TAFA2: variants seen among roughly 807,000 people sequenced by gnomAD.
TAFA2 encodes TAFA chemokine like family member 2.
TAFA2 carries 7 observed loss-of-function variants against 18.8 expected under a neutral mutation model. The ratio of observed to expected loss-of-function variants is 0.37; its 90% CI spans 0.21 to 0.70. TAFA2 has a LOEUF of 0.70. TAFA2 is among the 30% of genes least tolerant of loss of function. The pLI is 0.53. For missense variants in TAFA2, 122 were observed against 158.1 expected (o/e 0.77, Z 1.23); for synonymous variants, 60 against 54.2 (o/e 1.11, Z -0.47).
At chr12:61,843,043 C>A (rs1413692801) in intron 2 of TAFA2, among the ~76,000 whole-genome samples, 1 of 151,956 alleles carries the variant, frequency 6.6e-6, no homozygotes, top group Non-Finnish European at 1.5e-5. Flanking sequence ...AGATGAATCA[C>A]CGTATGGAGA....
intron 1 of TAFA2, among the ~76,000 whole-genome samples, chr12:62,002,653 C>T (rs186327161): frequency 1.3e-5 from 2 of 152,222 alleles, no homozygotes; most frequent in Admixed American, 1.3e-4. Flanking sequence ...AAAACACAAC[C>T]CCTATCTTAA....
intron 1 of TAFA2, among the ~76,000 whole-genome samples, chr12:62,170,537 T>A (rs78462177): frequency 1.2e-4 from 18 of 152,198 alleles, no homozygotes; most frequent in Non-Finnish European, 5.9e-5. Context: ...GCCAGAGTTA[T>A]GTGTGTGTTT....
chr12:61,882,300 G>T (rs377684492), intron 1 of TAFA2, among the ~76,000 whole-genome samples: 48 of 152,330 alleles, frequency 3.2e-4, no homozygotes, highest in African/African-American at 1.2e-3. Flanking sequence ...TGAGCTAGAA[G>T]TAGCAATCAC....
At position 62,166,804 on chromosome 12, in the gene TAFA2, A is replaced by C. The variant is rs563713378; in HGVS notation, c.-2+24455T>G. 8.5e-5 allele frequency among the ~76,000 whole-genome samples: 13 copies of C among 152,322 alleles called. No homozygotes were observed. In the South Asian group the frequency reaches 2.7e-3, roughly 32 times the overall value. ...ACACATACCCTCATCTTCTTCTTGCACTATAAAATTCCAATCGTGACACAG... is the reference window on the plus strand; with the variant it reads ...ACACATACCCTCATCTTCTTCTTGCCCTATAAAATTCCAATCGTGACACAG... On this transcript the variant is annotated intron_variant, in intron 1 of 4. Transcript: ENST00000416284.
chr12:61,973,119 C>T (rs2136667173), intron 1 of TAFA2, among the ~76,000 whole-genome samples: 1 of 151,674 alleles, frequency 6.6e-6, no homozygotes, highest in East Asian at 1.9e-4. Flanking sequence ...TGTTTTTATA[C>T]ACCTGTCAAA....
intron 2 of TAFA2, among the ~76,000 whole-genome samples, chr12:61,845,655 T>C (rs117385410): frequency 1.3e-5 from 2 of 152,294 alleles, no homozygotes; most frequent in East Asian, 3.9e-4. Flanking sequence ...GGTAGTTTAG[T>C]ATTCTTCTGG....
At chr12:62,135,725 T>A (rs1378798658) in intron 1 of TAFA2, 1 of 152,042 alleles carries the variant, frequency 6.6e-6, no homozygotes, top group African/African-American at 2.4e-5. Context: ...ATCAGCTCAA[T>A]TAAGTTAGTA....
intron 2 of TAFA2, 77 bp from the exon 3 acceptor site, chr12:61,755,101 T>G: frequency 7.2e-7 from 1 of 1,387,506 alleles, no homozygotes; most frequent in Non-Finnish European, 1.0e-6. Context: ...TAATTAGCAG[T>G]ACATTAAATA....
intron 4 of TAFA2, among the ~76,000 whole-genome samples, chr12:61,744,668 C>T (rs910464661): frequency 6.6e-6 from 1 of 152,078 alleles, no homozygotes; most frequent in Non-Finnish European, 1.5e-5. Flanking sequence ...AACTTTCCTG[C>T]CTCAGCCTTC....
chr12:61,932,072 A>C (rs1277503894), intron 1 of TAFA2, among the ~76,000 whole-genome samples: 1 of 152,162 alleles, frequency 6.6e-6, no homozygotes, highest in Non-Finnish European at 1.5e-5. Flanking sequence ...TATATCAGAA[A>C]ATTAATTTCC....
rs147213458 is a variant in TAFA2 at position 61,873,040 on chromosome 12, T to C, written c.-1-5614A>G. Among the ~76,000 whole-genome samples, 263 of 152,314 alleles carry C rather than the reference T, an allele frequency of 1.7e-3. 1 individual carries two copies. Among genetic ancestry groups the C allele is most frequent in the African/African-American group, 5.7e-3 (237 of 41,552 alleles). On this transcript the variant is annotated intron_variant, in intron 1 of 4. Coordinates refer to ENST00000416284, the MANE Select transcript of TAFA2 (RefSeq NM_178539.5). ...GCCTGTAAGTCACTGCTCTAGCACA[T>C]AGAACATCACCTGGATCATGGAACA... is the stretch of plus-strand genomic sequence containing the variant.
chr12:62,175,446 T>C lies in TAFA2; in HGVS notation c.-2+15813A>G, dbSNP rs138334005. 4.7e-3 allele frequency among the ~76,000 whole-genome samples: 720 copies of C among 152,312 alleles called. 5 individuals carry two copies. The highest frequency in any genetic ancestry group is 8.8e-3 in the Non-Finnish European group (601 of 68,014). ...AAAAAATGTAAATATTATAATATAC[T>C]GTGTAAAGAAAGATACCTGAAATGC... On this transcript the variant is annotated intron_variant, in intron 1 of 4. Transcript: ENST00000416284.
chr12:62,150,259 AT>A, intron 1 of TAFA2, among the ~76,000 whole-genome samples: 1 of 152,280 alleles, frequency 6.6e-6, no homozygotes, highest in African/African-American at 2.4e-5. Context: ...TTGTTCTTTC[AT>A]TTTATTTTCA....
chr12:62,120,019 GC>G (rs1200370759), intron 1 of TAFA2, among the ~76,000 whole-genome samples: 1 of 151,482 alleles, frequency 6.6e-6, no homozygotes, highest in Non-Finnish European at 1.5e-5. Flanking sequence ...GTTCTGGTGC[GC>G]CATTGCACTC....
chr12:61,832,439 C>T (rs546660369), intron 2 of TAFA2, among the ~76,000 whole-genome samples: 12 of 152,188 alleles, frequency 7.9e-5, no homozygotes, highest in Admixed American at 4.6e-4. Flanking sequence ...GACATGTGAA[C>T]GACCTTCAGA....
intron 1 of TAFA2, among the ~76,000 whole-genome samples, chr12:61,908,898 C>A (rs913647049): frequency 3.3e-5 from 5 of 152,134 alleles, no homozygotes; most frequent in African/African-American, 9.7e-5. Flanking sequence ...CAAAACTAAA[C>A]CAAAATGATA....
chr12:61,847,100 G>A (rs1383653064), intron 2 of TAFA2, among the ~76,000 whole-genome samples: 1 of 152,148 alleles, frequency 6.6e-6, no homozygotes, highest in Non-Finnish European at 1.5e-5. Context: ...CACTCAGGCT[G>A]ACACATATTT....
chr12:61,795,117 T>A (rs1248590294), intron 2 of TAFA2, among the ~76,000 whole-genome samples: 2 of 152,114 alleles, frequency 1.3e-5, no homozygotes, highest in Non-Finnish European at 2.9e-5. Context: ...TAGGAACACT[T>A]TTACACTGTT....
chr12:61,813,621 C>T (rs1871962115), intron 2 of TAFA2, among the ~76,000 whole-genome samples: 1 of 151,396 alleles, frequency 6.6e-6, no homozygotes, highest in Non-Finnish European at 1.5e-5. Flanking sequence ...TAACATTCCT[C>T]CTCCAAGCTA....
Sources: gnomAD v4.1 joint callset for allele counts (sites outside exome capture counted in the v4.1 genomes callset) on GRCh38, gnomAD v4.1.1 for gene constraint, MANE v1.5 for transcripts, NCBI Gene and HGNC (gene_info 2026-07-23, HGNC 2026-07-21) for gene names.